ADARB2: variants seen among roughly 807,000 people sequenced by gnomAD.
ADARB2 encodes the protein adenosine deaminase RNA specific B2 (inactive).
ADARB2 carries 25 observed loss-of-function variants against 62.2 expected under a neutral mutation model. The ratio of observed to expected loss-of-function variants is 0.40; its 90% CI spans 0.29 to 0.56. The LOEUF (loss-of-function observed/expected upper bound fraction) is 0.56. Among genes scored for constraint, ADARB2 ranks in the 20% least tolerant of loss-of-function variants. The pLI, the probability that ADARB2 is intolerant of heterozygous loss-of-function variation, is 0.43. For missense variants in ADARB2, 1,071 were observed against 1,077.4 expected, an observed-to-expected ratio of 0.99 and a Z score of 0.08; for synonymous variants, 572 against 500.8, an observed-to-expected ratio of 1.14 and a Z score of -1.90.
At chr10:1,731,106 A>G (rs1835225311) in intron 1 of ADARB2, among the ~76,000 whole-genome samples, 1 of 152,204 alleles carries the variant, frequency 6.6e-6, no homozygotes, top group Non-Finnish European at 1.5e-5. Context: ...ACCAAATTTT[A>G]GGGGCTGGAG....
chr10:1,491,252 T>C (rs1241932486), intron 1 of ADARB2, among the ~76,000 whole-genome samples: 1 of 152,014 alleles, frequency 6.6e-6, no homozygotes, highest in Non-Finnish European at 1.5e-5. Context: ...TTATTTTTTG[T>C]AGAGACAGGG....
At chr10:1,656,023 A>G (rs547763728) in intron 1 of ADARB2, among the ~76,000 whole-genome samples, 22 of 152,386 alleles carry the variant, frequency 1.4e-4, no homozygotes, top group African/African-American at 5.0e-4. Flanking sequence ...CAGACAAAAC[A>G]GTGTTCACAT....
intron 3 of ADARB2, among the ~76,000 whole-genome samples, chr10:1,302,754 T>C (rs1831586699): frequency 6.6e-6 from 1 of 152,304 alleles, no homozygotes; most frequent in South Asian, 2.1e-4. Flanking sequence ...GGAGGCACCC[T>C]CCAGCAGGGG....
At chr10:1,728,720 G>A (rs1473176673) in intron 1 of ADARB2, among the ~76,000 whole-genome samples, 1 of 152,128 alleles carries the variant, frequency 6.6e-6, no homozygotes, top group Non-Finnish European at 1.5e-5. Flanking sequence ...CTTCCTAAAT[G>A]GCTAATAAAT....
intron 3 of ADARB2, among the ~76,000 whole-genome samples, chr10:1,295,962 G>A (rs188974558): frequency 6.6e-6 from 1 of 152,054 alleles, no homozygotes; most frequent in African/African-American, 2.4e-5. Flanking sequence ...TCACTCAGGA[G>A]CCTGTGGTTG....
At chr10:1,396,064 G>A (rs570045623) in intron 1 of ADARB2, among the ~76,000 whole-genome samples, 1 of 152,232 alleles carries the variant, frequency 6.6e-6, no homozygotes, top group Non-Finnish European at 1.5e-5. Context: ...CTACGCATTA[G>A]ACATTCTAGT....
intron 3 of ADARB2, among the ~76,000 whole-genome samples, chr10:1,354,918 C>T (rs1832180105): frequency 6.6e-6 from 1 of 152,230 alleles, no homozygotes; most frequent in South Asian, 2.1e-4. Flanking sequence ...GCAAGACCCT[C>T]TAGCCTCTGA....
rs1415438605 is a variant in ADARB2, at chr10:1,460,517, TGC to T, written c.101-81359_101-81358del. Among the ~76,000 whole-genome samples the T allele has an allele frequency of 1.2e-4, 10 of 84,754 alleles. 1 individual carries two copies. Among genetic ancestry groups the T allele is most frequent in the Admixed American group, 2.2e-4 (2 of 8,990 alleles). 55.6% of individuals were successfully genotyped at this position (84,754 alleles called of 152,430 possible). ...AACCTGCCTGTGACCTGAGTTTACC[TGC>T]GTAACGAACCTGCCTGTGACCTGAG... On this transcript the variant is annotated intron_variant, in intron 1 of 9. Coordinates refer to ENST00000381312, the MANE Select transcript of ADARB2 (RefSeq NM_018702.4).
chr10:1,244,818 C>T (rs761650173), intron 4 of ADARB2, among the ~76,000 whole-genome samples: 4 of 152,150 alleles, frequency 2.6e-5, no homozygotes, highest in Non-Finnish European at 5.9e-5. Context: ...GCGTCCTAGG[C>T]AGAGTGGGCA....
chr10:1,379,134 G>A lies in ADARB2; in HGVS notation c.127C>T (p.Leu43Phe). Residue 43 changes from leucine (L) to phenylalanine (F), a missense_variant, in exon 2 of 10, where the codon CTC (leucine) becomes TTC (phenylalanine). Coordinates refer to ENST00000381312, the MANE Select transcript of ADARB2 (RefSeq NM_018702.4). ...GGACTCAGGTGCTTGAAAGGAGCGA[G>A]GAAGGTTGACAATATGCTTACTTTA... ...KDKVSILSTFLAPFKHLSPGI... is the reference protein window; with the variant it reads ...KDKVSILSTFFAPFKHLSPGI... 1 of 1,613,688 alleles carries A rather than the reference G, an allele frequency of 6.2e-7. No homozygotes were observed. Among genetic ancestry groups the A allele is most frequent in the Non-Finnish European group, 8.5e-7 (1 of 1,179,704 alleles).
At chr10:1,521,174 T>C (rs1832069955) in intron 1 of ADARB2, among the ~76,000 whole-genome samples, 2 of 152,112 alleles carry the variant, frequency 1.3e-5, no homozygotes, top group South Asian at 4.1e-4. Context: ...AGAAACTGCA[T>C]GTTTAAAAGC....
At chr10:1,455,981 A>G (rs2676777) in intron 1 of ADARB2, among the ~76,000 whole-genome samples, 116,647 of 152,166 alleles carry the variant, frequency 0.77, 45,649 homozygotes, top group Middle Eastern at 0.86. Flanking sequence ...GAACTCATGC[A>G]TAGAAGAGTG....
At chr10:1,521,774 C>G (rs111853101) in intron 1 of ADARB2, among the ~76,000 whole-genome samples, 1 of 149,010 alleles carries the variant, frequency 6.7e-6, no homozygotes, top group Admixed American at 6.7e-5. Flanking sequence ...GGCACCCCCC[C>G]ATCCACCCCC....
intron 1 of ADARB2, among the ~76,000 whole-genome samples, chr10:1,723,380 T>C (rs995584095): frequency 3.9e-5 from 6 of 152,220 alleles, no homozygotes; most frequent in Non-Finnish European, 5.9e-5. Context: ...CCTTGGTCCC[T>C]TCTTAAGCAA....
chr10:1,253,876 A>G (rs1831056961), intron 4 of ADARB2, among the ~76,000 whole-genome samples: 1 of 151,940 alleles, frequency 6.6e-6, no homozygotes, highest in African/African-American at 2.4e-5. Context: ...ATGTGGTGGC[A>G]TCTGTGGTTA....
At chr10:1,266,177 G>T (rs971516046) in intron 4 of ADARB2, among the ~76,000 whole-genome samples, 1 of 152,346 alleles carries the variant, frequency 6.6e-6, no homozygotes, top group South Asian at 2.1e-4. Context: ...ATGGCGTGTG[G>T]GTCGGCGCCG....
chr10:1,405,640 A>G (rs1564281158), intron 1 of ADARB2, among the ~76,000 whole-genome samples: 1 of 151,848 alleles, frequency 6.6e-6, no homozygotes, highest in Non-Finnish European at 1.5e-5. Context: ...AAAAAAAAAA[A>G]AAAAAAAAAA....
intron 1 of ADARB2, among the ~76,000 whole-genome samples, chr10:1,646,863 C>T (rs1034937139): frequency 6.6e-6 from 1 of 152,258 alleles, no homozygotes; most frequent in Admixed American, 6.5e-5. Flanking sequence ...AGCAACTGAG[C>T]ATGCACCCTT....
intron 3 of ADARB2, among the ~76,000 whole-genome samples, chr10:1,275,111 A>G (rs1240116590): frequency 6.6e-6 from 1 of 152,210 alleles, no homozygotes; most frequent in East Asian, 1.9e-4. Flanking sequence ...TCATTTGAGG[A>G]ACAGCTGGGG....
Sources: allele counts gnomAD v4.1 joint callset (sites outside exome capture counted in the v4.1 genomes callset), GRCh38; gene constraint gnomAD v4.1.1; transcripts MANE v1.5; gene names NCBI Gene and HGNC (gene_info 2026-07-23, HGNC 2026-07-21).